PLEKHG4B: variants seen among roughly 807,000 people sequenced by gnomAD.
The protein encoded by PLEKHG4B is pleckstrin homology domain-containing family G member 4B.
A neutral mutation model predicts 121.3 loss-of-function variants in PLEKHG4B; 111 were observed. The ratio of observed to expected loss-of-function variants is 0.92; its 90% confidence interval spans 0.78 to 1.07. The LOEUF is 1.07. Among genes scored for constraint, PLEKHG4B ranks in the 50% least tolerant of loss-of-function variants. The probability of loss-of-function intolerance (pLI) is 0.00; values close to 1 mark genes in which losing one functional copy is unlikely to be tolerated. For missense variants in PLEKHG4B, 1,831 were observed against 1,757.8 expected, an observed-to-expected ratio of 1.04 and a Z score of -0.74; for synonymous variants, 738 against 725.0, an observed-to-expected ratio of 1.02 and a Z score of -0.29.
At chr5:167,395 T>C (rs1240899363) in intron 13 of PLEKHG4B, among the ~76,000 whole-genome samples, 5 of 152,020 alleles carry the variant, frequency 3.3e-5, no homozygotes, top group African/African-American at 9.7e-5. Flanking sequence ...CATTAGCTGC[T>C]TTTTAGTTTT....
rs1169680258 is a variant in PLEKHG4B, at chr5:151,033, A to G, written c.1906-480A>G. Among the ~76,000 whole-genome samples, 3 of 152,238 alleles carry G rather than the reference A, an allele frequency of 2.0e-5. No individual in the cohort carries two copies. In the East Asian group the frequency reaches 5.8e-4, roughly 29 times the overall value. On this transcript the variant is annotated intron_variant, in intron 6 of 19. Coordinates refer to ENST00000637938, the MANE Select transcript of PLEKHG4B (RefSeq NM_052909.5). ...AGAGGAACAAACCGTTGATCTCCAC[A>G]ACAGGGATGAGTTCCCAATGCACAA... is the stretch of plus-strand genomic sequence containing the variant.
At chr5:118,245 A>G (rs1479659748) in intron 2 of PLEKHG4B, among the ~76,000 whole-genome samples, 1 of 152,240 alleles carries the variant, frequency 6.6e-6, no homozygotes, top group Non-Finnish European at 1.5e-5. Context: ...TGAAATATAA[A>G]TGGACAGAAT....
chr5:100,122 A>G (rs1477704091), intron 1 of PLEKHG4B, among the ~76,000 whole-genome samples: 1 of 152,138 alleles, frequency 6.6e-6, no homozygotes, highest in Admixed American at 6.5e-5. Context: ...GATTTGGTTT[A>G]CTAGTGTTTT....
In PLEKHG4B at chr5:139,558, G is replaced by A. The variant is rs954825801; in HGVS notation, c.319G>A (p.Ala107Thr). ...CAHEKVVVQL[A>T]SLHGVRLQPG... is the part of the protein sequence containing the mutation. The stretch of plus-strand genomic sequence containing the variant: ...CCATGAGAAGGTGGTGGTGCAGCTG[G>A]CGTCCCTGCACGGAGTCAGGCTCCA... Residue 107 changes from alanine to threonine, a missense_variant, in exon 3 of 20, where the codon GCG becomes ACG. Coordinates refer to ENST00000637938, the MANE Select transcript of PLEKHG4B (RefSeq NM_052909.5). This position sits in a 1 kb window ranked among gnomAD's most constrained non-coding sequence, Gnocchi z 5.0. 104 of 399,008 alleles carry A rather than the reference G, an allele frequency of 2.6e-4. No individual in the cohort carries two copies. Among genetic ancestry groups the A allele is most frequent in the South Asian group, 8.9e-4 (7 of 7,862 alleles). The allele number at this position is 399,008 out of a possible 1,614,324, so 24.7% of individuals were successfully genotyped here. A position where few individuals can be genotyped will look rare whatever the true frequency, so the allele number is the denominator to read the frequency against.
intron 7 of PLEKHG4B, among the ~76,000 whole-genome samples, chr5:153,871 G>A (rs1016908914): frequency 5.3e-5 from 8 of 152,070 alleles, no homozygotes; most frequent in Non-Finnish European, 1.2e-4. Flanking sequence ...ATTTTGTTTT[G>A]TACAGATGGG....
intron 2 of PLEKHG4B, among the ~76,000 whole-genome samples, chr5:116,524 T>G (rs1230755108): frequency 1.3e-5 from 2 of 152,256 alleles, no homozygotes; most frequent in African/African-American, 4.8e-5. Context: ...TACATACAGA[T>G]AAGTCCCACT....
chr5:119,034 A>T (rs116751580), intron 2 of PLEKHG4B, among the ~76,000 whole-genome samples: 4,328 of 151,954 alleles, frequency 0.028, 210 homozygotes, highest in African/African-American at 0.1. Flanking sequence ...TATTTTTAAA[A>T]TTTTTTGTAG....
At chr5:134,507 T>C (rs545748948) in intron 2 of PLEKHG4B, among the ~76,000 whole-genome samples, 2 of 152,178 alleles carry the variant, frequency 1.3e-5, no homozygotes, top group African/African-American at 4.8e-5. Flanking sequence ...GGGTCATGCC[T>C]GTGATCCCAG....
Position 163,421 on chromosome 5 carries a change from G to C in PLEKHG4B, c.3349G>C (p.Val1117Leu). The stretch of plus-strand genomic sequence containing the variant: ...CAAGGGCCTGGAGGTAACCAGCACT[G>C]TAGCCACAGAGAAGAAGCTCCCGCT... ...FSKGLEVTST[V>L]ATEKKLPLWQ... Residue 1117 changes from valine to leucine, a missense_variant, in exon 13 of 20, where the codon GTA becomes CTA. Val to Leu is a conservative substitution (Grantham distance 32). Transcript: ENST00000637938. 1 of 1,612,228 alleles carries C rather than the reference G, an allele frequency of 6.2e-7. No homozygotes were observed. The highest frequency in any genetic ancestry group is 8.5e-7 in the Non-Finnish European group (1 of 1,179,890).
intron 8 of PLEKHG4B, 47 bp downstream of exon 8, chr5:155,038 T>G (rs1579297344): frequency 6.8e-7 from 1 of 1,474,720 alleles, no homozygotes; most frequent in Non-Finnish European, 9.4e-7. Flanking sequence ...CTCTGGGGAC[T>G]TTCTGTTATG....
Position 173,919 on chromosome 5 carries a change from C to T in PLEKHG4B, c.4223C>T (p.Thr1408Met), listed in dbSNP as rs377531943. 29 of 1,612,696 alleles carry T rather than the reference C, an allele frequency of 1.8e-5. No individual in the cohort carries two copies. Among genetic ancestry groups the T allele is most frequent in the African/African-American group, 4.0e-5 (3 of 74,860 alleles). Reference protein sequence around the residue: ...DVYLYKQSFKTAEIGMTENVG... With the variant: ...DVYLYKQSFKMAEIGMTENVG... Reference sequence around the variant, plus strand: ...GCAATGGGTGTTTGCTGACTGCAGACGGCCGAGATCGGGATGACAGAGAAC... The same window carrying T: ...GCAATGGGTGTTTGCTGACTGCAGATGGCCGAGATCGGGATGACAGAGAAC... The change falls in exon 18 of 20, where the codon ACG (threonine) becomes ATG (methionine). Residue 1408 changes from threonine to methionine, a missense_variant and splice_region_variant. Transcript: ENST00000637938.
chr5:102,062 AGG>A (rs1733834196), intron 1 of PLEKHG4B, among the ~76,000 whole-genome samples: 1 of 109,458 alleles, frequency 9.1e-6, no homozygotes, highest in Non-Finnish European at 1.8e-5. Context: ...GACTGTTGTG[AGG>A]TAAATCCATA....
intron 1 of PLEKHG4B, among the ~76,000 whole-genome samples, chr5:112,145 A>T (rs1734177387): frequency 6.6e-6 from 1 of 152,142 alleles, no homozygotes; most frequent in South Asian, 2.1e-4. Flanking sequence ...GTGTGCAGGG[A>T]AGGGAGCTGA....
Position 162,742 on chromosome 5 carries a change from C to T in PLEKHG4B, c.2670C>T (p.Pro890=), listed in dbSNP as rs1579308193. Residue 890 remains proline, a synonymous_variant, in exon 13 of 20, where the codon CCC becomes CCT. Transcript: ENST00000637938. ...CACAGGTGAGCAGCTGGATGGGGCC[C>T]CTGGACCCGGAGGCTTGTCCCTCCT... ...LCETVSSWMG[P]LDPEACPSSP... is the part of the protein sequence containing the mutation. 4 of 1,459,044 alleles carry T rather than the reference C, an allele frequency of 2.7e-6. No individual in the cohort carries two copies. The highest frequency in any genetic ancestry group is 2.5e-5 in the East Asian group (1 of 40,502). 90.4% of individuals were successfully genotyped at this position (1,459,044 alleles called of 1,614,324 possible). A position where few individuals can be genotyped will look rare whatever the true frequency, so the allele number is the denominator to read the frequency against.
rs1207303258 is a variant in PLEKHG4B, at chr5:183,869, G to A, written c.*1546G>A. 3 of 152,202 alleles carry A rather than the reference G, an allele frequency of 2.0e-5. No individual in the cohort carries two copies. Among genetic ancestry groups the A allele is most frequent in the African/African-American group, 7.2e-5 (3 of 41,430 alleles). The allele number at this position is 152,202 out of a possible 1,614,324, so 9.4% of individuals were successfully genotyped here. ...GTAACAGATTGGATTTCACAGAAGA[G>A]ACCATGAGGCACCTTGAAGACACAT... On this transcript the variant is annotated 3_prime_UTR_variant, in exon 20 of 20. Coordinates refer to ENST00000637938, the MANE Select transcript of PLEKHG4B (RefSeq NM_052909.5).
intron 18 of PLEKHG4B, among the ~76,000 whole-genome samples, chr5:174,859 A>T (rs1736704150): frequency 6.6e-6 from 1 of 152,102 alleles, no homozygotes; most frequent in Non-Finnish European, 1.5e-5. Flanking sequence ...TCAGAAATGA[A>T]GGGGCTGAGC....
intron 1 of PLEKHG4B, among the ~76,000 whole-genome samples, chr5:95,203 AACTGCT>A (rs1733596386): frequency 6.6e-6 from 1 of 152,166 alleles, no homozygotes; most frequent in Non-Finnish European, 1.5e-5. Flanking sequence ...TACATGTTAA[AACTGCT>A]TACCTTTCTG....
Position 148,332 on chromosome 5 carries a change from C to T in PLEKHG4B, c.1906-3181C>T, listed in dbSNP as rs532712744. The stretch of plus-strand genomic sequence containing the variant: ...GATGTGATCTTATATGCAGAAAACC[C>T]TAACAGTTCCACAAAAAAAAAAAAA... On this transcript the variant is annotated intron_variant, in intron 6 of 19. Transcript: ENST00000637938. 2.5e-3 allele frequency among the ~76,000 whole-genome samples: 360 copies of T among 143,666 alleles called. 4 individuals carry two copies. The highest frequency in any genetic ancestry group is 9.2e-3 in the African/African-American group (340 of 37,060). The allele number at this position is 143,666 out of a possible 152,430, so 94.3% of individuals were successfully genotyped here. A position where few individuals can be genotyped will look rare whatever the true frequency, so the allele number is the denominator to read the frequency against.
chr5:116,847 T>G (rs760398873), intron 2 of PLEKHG4B, among the ~76,000 whole-genome samples: 1 of 152,208 alleles, frequency 6.6e-6, no homozygotes, highest in Non-Finnish European at 1.5e-5. Flanking sequence ...TGATTCCTTA[T>G]GTGAGGTGGT....
Sources: gnomAD v4.1 joint callset for allele counts (sites outside exome capture counted in the v4.1 genomes callset) on GRCh38, gnomAD v4.1.1 for gene constraint, Gnocchi (gnomAD v3.1) non-coding constraint, MANE v1.5 for transcripts, NCBI Gene and HGNC (gene_info 2026-07-23, HGNC 2026-07-21) for gene names.